Variants in CADM2 observed in about 807,000 individuals in gnomAD.
The protein encoded by CADM2 is cell adhesion molecule 2.
In CADM2, 12 loss-of-function variants were observed where a neutral mutation model predicts 49.8. The ratio of observed to expected loss-of-function variants is 0.24; its 90% CI spans 0.15 to 0.39. The LOEUF (loss-of-function observed/expected upper bound fraction) is 0.39. CADM2 is among the 10% of genes least tolerant of loss of function. The pLI is 1.00. For synonymous variants in CADM2, 214 were observed against 175.4 expected (o/e 1.22, Z -1.74); for missense variants, 378 against 492.3 (o/e 0.77, Z 2.20).
chr3:85,170,586 A>C (rs577349343), intron 1 of CADM2, among the ~76,000 whole-genome samples: 1 of 152,084 alleles, frequency 6.6e-6, no homozygotes, highest in Non-Finnish European at 1.5e-5. Flanking sequence ...TTCCGTCTCC[A>C]TCTCCCATAG....
At chr3:85,287,489 A>T (rs1214746958) in intron 1 of CADM2, among the ~76,000 whole-genome samples, 2 of 152,134 alleles carry the variant, frequency 1.3e-5, no homozygotes, top group African/African-American at 2.4e-5. Context: ...GATAATAATC[A>T]TTGAACACTA....
intron 1 of CADM2, among the ~76,000 whole-genome samples, chr3:85,209,189 C>G (rs2041719422): frequency 6.6e-6 from 1 of 151,948 alleles, no homozygotes. Context: ...TCTTATTCTT[C>G]AAAAAGATAT....
chr3:85,435,522 G>A (rs1486745992), intron 1 of CADM2, among the ~76,000 whole-genome samples: 1 of 152,074 alleles, frequency 6.6e-6, no homozygotes, highest in East Asian at 1.9e-4. Context: ...AATCCTTTGG[G>A]TATATACCCA....
intron 1 of CADM2, among the ~76,000 whole-genome samples, chr3:85,250,626 T>TA (rs2042751753): frequency 1.3e-5 from 2 of 151,654 alleles, no homozygotes; most frequent in African/African-American, 4.8e-5. Flanking sequence ...AATTGATACA[T>TA]ATAAGTTTAA....
chr3:85,898,955 ATTTTTTTTTT>A (rs35857247), intron 5 of CADM2, among the ~76,000 whole-genome samples: 6 of 33,908 alleles, frequency 1.8e-4, no homozygotes, highest in Non-Finnish European at 2.9e-4. Context: ...ATATATATAT[ATTTTTTTTTT>A]TTTTTTTTTT....
intron 3 of CADM2, among the ~76,000 whole-genome samples, chr3:85,861,813 T>C (rs1559707168): frequency 6.6e-6 from 1 of 152,134 alleles, no homozygotes; most frequent in East Asian, 1.9e-4. Context: ...TTTTGCATTT[T>C]TTATAATTTA....
chr3:85,944,725 C>G (rs536283326), intron 7 of CADM2, among the ~76,000 whole-genome samples: 1 of 151,844 alleles, frequency 6.6e-6, no homozygotes, highest in African/African-American at 2.4e-5. Flanking sequence ...TCTTTGAAAC[C>G]AACGAGAACA....
chr3:85,772,188 C>G (rs879267369), intron 2 of CADM2, among the ~76,000 whole-genome samples: 1 of 151,918 alleles, frequency 6.6e-6, no homozygotes, highest in Non-Finnish European at 1.5e-5. Flanking sequence ...AGCTTTAAAA[C>G]TGTGCAGGAT....
At chr3:85,725,745 A>G (rs2067673364) in intron 1 of CADM2, among the ~76,000 whole-genome samples, 1 of 152,040 alleles carries the variant, frequency 6.6e-6, no homozygotes, top group Non-Finnish European at 1.5e-5. Flanking sequence ...TTAAAGTAAT[A>G]CAGTTTTCTA....
intron 1 of CADM2, among the ~76,000 whole-genome samples, chr3:85,689,760 T>C (rs529910861): frequency 2.0e-5 from 3 of 152,248 alleles, no homozygotes; most frequent in African/African-American, 4.8e-5. Context: ...ATTATAAAAG[T>C]GTAGGAAGTG....
intron 1 of CADM2, among the ~76,000 whole-genome samples, chr3:84,962,866 A>G (rs2030672477): frequency 1.3e-5 from 2 of 152,144 alleles, no homozygotes; most frequent in Non-Finnish European, 2.9e-5. Flanking sequence ...ACTGTATTTT[A>G]TATTATCACC....
chr3:85,239,335 A>C (rs2042478371), intron 1 of CADM2, among the ~76,000 whole-genome samples: 1 of 151,770 alleles, frequency 6.6e-6, no homozygotes, highest in South Asian at 2.1e-4. Flanking sequence ...ATAAATGAAG[A>C]TATAATATTG....
At chr3:85,055,068 G>A (rs749721400) in intron 1 of CADM2, among the ~76,000 whole-genome samples, 1 of 151,808 alleles carries the variant, frequency 6.6e-6, no homozygotes, top group African/African-American at 2.4e-5. Context: ...TATTGAATTT[G>A]ATGGGTCCTG....
At chr3:85,566,331 AT>A (rs1006053502) in intron 1 of CADM2, among the ~76,000 whole-genome samples, 76 of 150,036 alleles carry the variant, frequency 5.1e-4, no homozygotes, top group Middle Eastern at 3.5e-3. Flanking sequence ...ACTTTAAGTG[AT>A]TTTTTTTTTA....
chr3:86,014,037 C>T (rs764530497), intron 8 of CADM2: 30 of 1,339,562 alleles, frequency 2.2e-5, no homozygotes, highest in Non-Finnish European at 3.1e-5. Flanking sequence ...GCTTTTAGAA[C>T]TTGACGATGT....
intron 1 of CADM2, among the ~76,000 whole-genome samples, chr3:85,443,862 T>C (rs1260048397): frequency 6.6e-6 from 1 of 152,164 alleles, no homozygotes; most frequent in African/African-American, 2.4e-5. Context: ...AAACTTGTGT[T>C]TCTTGCTCAG....
At chr3:85,069,425 C>A (rs972305038) in intron 1 of CADM2, among the ~76,000 whole-genome samples, 2 of 151,928 alleles carry the variant, frequency 1.3e-5, no homozygotes, top group African/African-American at 2.4e-5. Flanking sequence ...CATGTGTAAT[C>A]AAAAAATAAT....
intron 8 of CADM2, among the ~76,000 whole-genome samples, chr3:86,052,951 T>A (rs578042084): frequency 6.6e-6 from 1 of 152,124 alleles, no homozygotes; most frequent in Non-Finnish European, 1.5e-5. Context: ...TCCATGACTA[T>A]CTGATCACTA....
chr3:85,423,305 G>C (rs935708988), intron 1 of CADM2, among the ~76,000 whole-genome samples: 1 of 152,056 alleles, frequency 6.6e-6, no homozygotes, highest in African/African-American at 2.4e-5. Flanking sequence ...GGGTGGTGGT[G>C]CGTGGTGAGC....
Sources: allele counts gnomAD v4.1 joint callset (sites outside exome capture counted in the v4.1 genomes callset), GRCh38; gene constraint gnomAD v4.1.1; transcripts MANE v1.5; gene names NCBI Gene and HGNC (gene_info 2026-07-23, HGNC 2026-07-21).